The following KIF15 variants were observed in gnomAD, a reference collection of about 807,000 sequenced individuals.
KIF15 encodes kinesin family member 15, also known as kinesin-like protein KIF15.
A neutral mutation model predicts 190.6 loss-of-function variants in KIF15; 140 were observed. The ratio of observed to expected loss-of-function variants is 0.73; its 90% CI spans 0.64 to 0.84. The LOEUF is 0.84. KIF15 is among the 40% of genes least tolerant of loss of function. The probability of loss-of-function intolerance (pLI) is 0.00; values close to 1 mark genes in which losing one functional copy is unlikely to be tolerated. For synonymous variants in KIF15, 528 were observed against 551.3 expected (o/e 0.96, Z 0.59); for missense variants, 1,372 against 1,584.4 (o/e 0.87, Z 2.28).
At position 44,827,874 on chromosome 3, in the gene KIF15, G is replaced by A. The variant is rs1697758075; in HGVS notation, c.2857-340G>A. Among the ~76,000 whole-genome samples, 3 of 151,934 alleles carry A rather than the reference G, an allele frequency of 2.0e-5. No homozygotes were observed. In the South Asian group the frequency reaches 6.2e-4, roughly 32 times the overall value. ...AATTTTTGTATTTTTTATAGAGATGGGGTTTCACCATGTTGCCCAGGATCG... is the reference window on the plus strand; with the variant it reads ...AATTTTTGTATTTTTTATAGAGATGAGGTTTCACCATGTTGCCCAGGATCG... On this transcript the variant is annotated intron_variant, in intron 23 of 34. Coordinates refer to ENST00000326047, the MANE Select transcript of KIF15 (RefSeq NM_020242.3).
chr3:44,868,200 A>G (rs1300259312), intron 6 of KIF15, among the ~76,000 whole-genome samples: 2 of 152,188 alleles, frequency 1.3e-5, no homozygotes, highest in Non-Finnish European at 2.9e-5. Context: ...ATATAAATGG[A>G]TTATACAACA....
intron 20 of KIF15, among the ~76,000 whole-genome samples, chr3:44,818,990 G>A (rs914749400): frequency 6.6e-6 from 1 of 152,168 alleles, no homozygotes; most frequent in Non-Finnish European, 1.5e-5. Flanking sequence ...ATGTGTCCAG[G>A]AATTCATCCA....
At chr3:44,821,146 C>A (rs1216362565) in intron 20 of KIF15, among the ~76,000 whole-genome samples, 2 of 149,224 alleles carry the variant, frequency 1.3e-5, no homozygotes, top group Admixed American at 1.3e-4. Flanking sequence ...CCCCACCTCC[C>A]TCCCGGACGG....
chr3:44,765,066 G>A (rs1015076023), intron 1 of KIF15, among the ~76,000 whole-genome samples: 5 of 152,198 alleles, frequency 3.3e-5, no homozygotes, highest in Admixed American at 2.6e-4. Flanking sequence ...GCATGCCTTC[G>A]TTCAAATCCT....
intron 6 of KIF15, chr3:44,865,369 G>C (rs1699310054): frequency 6.9e-6 from 5 of 723,646 alleles, no homozygotes; most frequent in Non-Finnish European, 1.1e-5. Context: ...TGTTCTACCG[G>C]AAGTGTTTTG....
At chr3:44,797,484 T>G in intron 8 of KIF15, 67 bp from the exon 9 acceptor site, 1 of 1,546,866 alleles carries the variant, frequency 6.5e-7, no homozygotes, top group Non-Finnish European at 8.8e-7. Context: ...CTAGATATAT[T>G]TTCATTCAAA....
At chr3:44,836,754 C>A (rs184331194) in intron 26 of KIF15, among the ~76,000 whole-genome samples, 1 of 152,180 alleles carries the variant, frequency 6.6e-6, no homozygotes, top group Non-Finnish European at 1.5e-5. Flanking sequence ...GGAGTATTGC[C>A]AGCGAAGAAG....
rs940754966 is a variant in KIF15 at position 44,862,269 on chromosome 3, G to T, written c.*59+9475G>T. The T allele has an allele frequency of 2.0e-5, 9 of 446,304 alleles. No homozygotes were observed. The Admixed American group carries it at 5.7e-4, about 28-fold the overall frequency. The allele number at this position is 446,304 out of a possible 1,614,324, so 27.6% of individuals were successfully genotyped here. On this transcript the variant is annotated intron_variant and NMD_transcript_variant, in intron 6 of 6. Coordinates refer to the KIF15 transcript ENST00000422209. The stretch of plus-strand genomic sequence containing the variant: ...CGCACCCTCGCCGGTCTGTCCCGCC[G>T]GGGCCCCGGGCCGCGGGCGGCGCTG...
At chr3:44,825,204 A>T (rs892191182) in intron 20 of KIF15, among the ~76,000 whole-genome samples, 3 of 152,182 alleles carry the variant, frequency 2.0e-5, no homozygotes, top group Non-Finnish European at 4.4e-5. Context: ...TGACACTGCC[A>T]TGTGTTTCTT....
intron 15 of KIF15, 110 bp downstream of exon 15, chr3:44,805,278 C>A: frequency 2.0e-6 from 2 of 1,018,876 alleles, no homozygotes; most frequent in Non-Finnish European, 2.9e-6. Flanking sequence ...ATTAAACTCT[C>A]ATAGCAGCAA....
chr3:44,822,016 C>G (rs534241465), intron 20 of KIF15, among the ~76,000 whole-genome samples: 3 of 152,124 alleles, frequency 2.0e-5, no homozygotes, highest in Non-Finnish European at 2.9e-5. Flanking sequence ...TGCAGGCACT[C>G]GGCAAGCTGA....
intron 24 of KIF15, among the ~76,000 whole-genome samples, chr3:44,829,159 C>T (rs1038452686): frequency 1.3e-5 from 2 of 151,588 alleles, no homozygotes; most frequent in African/African-American, 4.9e-5. Flanking sequence ...AGATCGAGAC[C>T]ATCCTGGCTA....
chr3:44,838,792 T>G (rs1698452016), intron 27 of KIF15, among the ~76,000 whole-genome samples: 2 of 151,210 alleles, frequency 1.3e-5, no homozygotes, highest in South Asian at 4.2e-4. Context: ...AATCCACAGT[T>G]GAGGTTGTCA....
intron 1 of KIF15, among the ~76,000 whole-genome samples, chr3:44,767,963 A>T (rs2125893071): frequency 6.6e-6 from 1 of 151,090 alleles, no homozygotes; most frequent in African/African-American, 2.4e-5. Flanking sequence ...AAATTTGTGA[A>T]TCATCAATTT....
rs996815605 is a variant in KIF15, at chr3:44,843,237, G to A, written c.3695+3G>A. 6.3e-7 allele frequency: 1 copy of A among 1,593,678 alleles called. No individual in the cohort carries two copies. The highest frequency in any genetic ancestry group is 1.3e-5 in the African/African-American group (1 of 74,442). ...ATTAAAAGACAAAAGGAAAACAGGT[G>A]AGAAAGAACCACGAGAACTCTATGG... On this transcript the variant is annotated splice_donor_region_variant and intron_variant, in intron 30 of 34. Transcript: ENST00000326047.
At chr3:44,864,466 G>A (rs1699299067) in intron 6 of KIF15, 1 of 1,223,986 alleles carries the variant, frequency 8.2e-7, no homozygotes, top group African/African-American at 1.5e-5. Flanking sequence ...GTTGGGCTGT[G>A]GCTTGACCCC....
chr3:44,863,429 AAAAG>A (rs765969284), intron 6 of KIF15: 1 of 151,830 alleles, frequency 6.6e-6, no homozygotes, highest in African/African-American at 2.4e-5. Context: ...CCTTTAAAAA[AAAAG>A]AAAGAAAATA....
chr3:44,839,315 G>A (rs1156343108), intron 27 of KIF15, among the ~76,000 whole-genome samples: 1 of 151,740 alleles, frequency 6.6e-6, no homozygotes, highest in East Asian at 2.0e-4. Context: ...GGAGCTTGCA[G>A]TGAGCCGAGA....
chr3:44,763,336 T>G (rs1705230213), intron 1 of KIF15, among the ~76,000 whole-genome samples: 1 of 152,226 alleles, frequency 6.6e-6, no homozygotes, highest in African/African-American at 2.4e-5. Flanking sequence ...AGAGTCTTGC[T>G]CTATTGCCGG....
Sources: gnomAD v4.1 joint callset for allele counts (sites outside exome capture counted in the v4.1 genomes callset) on GRCh38, gnomAD v4.1.1 for gene constraint, MANE v1.5 for transcripts, NCBI Gene and HGNC (gene_info 2026-07-23, HGNC 2026-07-21) for gene names.